LRRC69: variants seen among roughly 807,000 people sequenced by gnomAD.
LRRC69 encodes leucine-rich repeat-containing protein 69.
A neutral mutation model predicts 37.8 loss-of-function variants in LRRC69; 42 were observed. The ratio of observed to expected loss-of-function variants is 1.11; its 90% CI spans 0.87 to 1.44. The LOEUF (loss-of-function observed/expected upper bound fraction) is 1.44, where lower values mean the gene tolerates loss of function less well. LRRC69 is among the 40% of genes most tolerant of loss of function. The pLI is 0.00. For missense variants in LRRC69, 357 were observed against 401.9 expected (o/e 0.89, Z 0.96); for synonymous variants, 141 against 143.1 (o/e 0.99, Z 0.11).
intron 5 of LRRC69, among the ~76,000 whole-genome samples, chr8:91,171,430 T>C (rs7842678): frequency 0.68 from 103,014 of 151,742 alleles, 35,527 homozygotes; most frequent in African/African-American, 0.74. Context: ...CACCCCCTCC[T>C]GCTCCCTGAT....
intron 7 of LRRC69, among the ~76,000 whole-genome samples, chr8:91,207,152 A>G (rs1809818973): frequency 6.6e-6 from 1 of 152,194 alleles, no homozygotes; most frequent in South Asian, 2.1e-4. Flanking sequence ...AAGTGGGATA[A>G]TAAGGATTGG....
chr8:91,127,952 C>G (rs1171187096), intron 3 of LRRC69, among the ~76,000 whole-genome samples: 2 of 151,922 alleles, frequency 1.3e-5, no homozygotes, highest in East Asian at 3.9e-4. Context: ...TTATTTTTTC[C>G]AAATATATTT....
chr8:91,171,925 G>A (rs1040888785), intron 5 of LRRC69, among the ~76,000 whole-genome samples: 20 of 149,074 alleles, frequency 1.3e-4, no homozygotes, highest in Non-Finnish European at 2.7e-4. Context: ...GAGTGTGAGG[G>A]CATGTATCCA....
intron 5 of LRRC69, among the ~76,000 whole-genome samples, chr8:91,164,886 G>A (rs554450097): frequency 2.5e-4 from 38 of 151,718 alleles, no homozygotes; most frequent in African/African-American, 8.4e-4. Context: ...TTGACTGTTC[G>A]TTAATATTGC....
intron 7 of LRRC69, among the ~76,000 whole-genome samples, chr8:91,208,147 C>T (rs1809838648): frequency 6.6e-6 from 1 of 152,174 alleles, no homozygotes; most frequent in Non-Finnish European, 1.5e-5. Flanking sequence ...TCTCCAAATA[C>T]AGTGACATTC....
intron 5 of LRRC69, chr8:91,158,322 C>T (rs941306957): frequency 2.7e-6 from 4 of 1,476,754 alleles, no homozygotes; most frequent in South Asian, 1.1e-5. Context: ...CTGGAATTTA[C>T]CCTTCTGTTT....
At chr8:91,205,907 G>C (rs1809795918) in intron 7 of LRRC69, among the ~76,000 whole-genome samples, 1 of 152,144 alleles carries the variant, frequency 6.6e-6, no homozygotes, top group African/African-American at 2.4e-5. Flanking sequence ...TCAATACCTT[G>C]ATGCTCTTGC....
intron 6 of LRRC69, among the ~76,000 whole-genome samples, chr8:91,197,259 G>A (rs1438454047): frequency 2.0e-5 from 3 of 152,302 alleles, no homozygotes; most frequent in Middle Eastern, 6.8e-3. Flanking sequence ...GTCAGACAGG[G>A]ACATTTAAGT....
intron 5 of LRRC69, among the ~76,000 whole-genome samples, chr8:91,161,151 G>A (rs1157607332): frequency 2.6e-5 from 4 of 151,286 alleles, no homozygotes; most frequent in Non-Finnish European, 5.9e-5. Context: ...AAATCCACTT[G>A]ATCATGGTGT....
intron 5 of LRRC69, among the ~76,000 whole-genome samples, chr8:91,177,904 A>G (rs1318113757): frequency 6.9e-6 from 1 of 144,660 alleles, no homozygotes; most frequent in Non-Finnish European, 1.5e-5. Flanking sequence ...GCTGGAGTAC[A>G]GTGGCATGAT....
At chr8:91,211,627 A>AT (rs1214040406) in intron 7 of LRRC69, among the ~76,000 whole-genome samples, 25 of 133,368 alleles carry the variant, frequency 1.9e-4, no homozygotes, top group Admixed American at 4.5e-4. Flanking sequence ...TTTTTTTTTT[A>AT]TTTTTTTTGC....
chr8:91,146,565 T>G (rs532731953), intron 5 of LRRC69, among the ~76,000 whole-genome samples: 1 of 151,932 alleles, frequency 6.6e-6, no homozygotes, highest in Admixed American at 6.6e-5. Context: ...AAGTAATCTC[T>G]ATGGAGTTCG....
intron 1 of LRRC69, among the ~76,000 whole-genome samples, chr8:91,106,835 C>G (rs1202067705): frequency 6.6e-6 from 1 of 151,856 alleles, no homozygotes; most frequent in Non-Finnish European, 1.5e-5. Flanking sequence ...CTCTGTCACC[C>G]AAGCTGGAGT....
chr8:91,217,603 C>T (rs924697889), intron 7 of LRRC69, among the ~76,000 whole-genome samples: 3 of 152,102 alleles, frequency 2.0e-5, no homozygotes, highest in African/African-American at 7.2e-5. Flanking sequence ...GCCGCAGTTA[C>T]ATGGTCATAT....
At chr8:91,176,132 A>ATTTTTTTTTT (rs1331458493) in intron 5 of LRRC69, among the ~76,000 whole-genome samples, 7 of 15,194 alleles carry the variant, frequency 4.6e-4, no homozygotes, top group African/African-American at 1.2e-3. Context: ...ATATATATAT[A>ATTTTTTTTTT]TATTTTTTTT....
intron 1 of LRRC69, among the ~76,000 whole-genome samples, chr8:91,114,455 G>A (rs62526681): frequency 2.6e-5 from 4 of 150,964 alleles, no homozygotes; most frequent in East Asian, 1.9e-4. Context: ...GTGTGTGTGT[G>A]TATATATATA....
At chr8:91,215,224 G>A (rs1466686496) in intron 7 of LRRC69, among the ~76,000 whole-genome samples, 1 of 152,020 alleles carries the variant, frequency 6.6e-6, no homozygotes, top group African/African-American at 2.4e-5. Flanking sequence ...ACATCTTTGG[G>A]GGGACATTAT....
At chr8:91,118,210 A>C in intron 1 of LRRC69, 1 of 455,624 alleles carries the variant, frequency 2.2e-6, no homozygotes, top group South Asian at 1.5e-5. Context: ...GTGACTTGTA[A>C]AATTTCCTTC....
At position 91,140,895 on chromosome 8, in the gene LRRC69, C is replaced by A. The variant is rs377527261; in HGVS notation, c.651+5156C>A. Reference sequence around the variant, plus strand: ...GTCTCGATCTCCTGACCTCGTGATCCGCCCGCCTCGGCCTCCCAAAGTGCT... The same window carrying A: ...GTCTCGATCTCCTGACCTCGTGATCAGCCCGCCTCGGCCTCCCAAAGTGCT... On this transcript the variant is annotated intron_variant, in intron 5 of 7. Coordinates refer to ENST00000448384, the Ensembl canonical transcript of LRRC69. Among the ~76,000 whole-genome samples the A allele has an allele frequency of 1.7e-3, 29 of 17,508 alleles. 11 individuals are homozygous for A. In the East Asian group the frequency reaches 0.029, roughly 17 times the overall value. The allele number at this position is 17,508 out of a possible 152,430, so 11.5% of individuals were successfully genotyped here. A position where few individuals can be genotyped will look rare whatever the true frequency, so the allele number is the denominator to read the frequency against.
Sources: allele counts gnomAD v4.1 joint callset (sites outside exome capture counted in the v4.1 genomes callset), GRCh38; gene constraint gnomAD v4.1.1; transcripts MANE v1.5; gene names NCBI Gene and HGNC (gene_info 2026-07-23, HGNC 2026-07-21).